Variants in LARGE1 observed in about 807,000 individuals in gnomAD.
LARGE1 encodes xylosyl- and glucuronyltransferase LARGE1.
In LARGE1, 43 loss-of-function variants were observed where a neutral mutation model predicts 87.6. That is an observed-to-expected ratio of 0.49 (90% CI 0.38 to 0.63). The LOEUF is 0.63. Ranked by LOEUF, LARGE1 falls within the 30% of genes least tolerant of loss-of-function variation. The pLI is 0.00. For synonymous variants in LARGE1, 434 were observed against 394.6 expected (o/e 1.10, Z -1.18); for missense variants, 802 against 1,000.2 (o/e 0.80, Z 2.67).
intron 5 of LARGE1, among the ~76,000 whole-genome samples, chr22:33,603,089 TG>T (rs10718167): frequency 1 from 152,322 of 152,330 alleles, 76,157 homozygotes; most frequent in Middle Eastern, 1. Context: ...CAGAATAGAT[TG>T]GGAATGGCAC....
chr22:33,070,959 C>A, the LARGE1 span, among the ~76,000 whole-genome samples: 568 of 152,162 alleles, frequency 3.7e-3, 4 homozygotes, highest in African/African-American at 0.013. Flanking sequence ...TGTGATCAGC[C>A]AGAATTTCCA....
chr22:33,755,154 C>G (rs546463062), intron 2 of LARGE1, among the ~76,000 whole-genome samples: 25 of 152,312 alleles, frequency 1.6e-4, no homozygotes, highest in African/African-American at 6.0e-4. Context: ...TGACAACACT[C>G]AAAAACATTC....
intron 2 of LARGE1, among the ~76,000 whole-genome samples, chr22:33,718,098 A>C (rs536504453): frequency 6.6e-6 from 1 of 152,320 alleles, no homozygotes; most frequent in East Asian, 1.9e-4. Context: ...GAAAATTCTG[A>C]ACACTATCTA....
rs377570032 is a variant in LARGE1 at position 33,473,271 on chromosome 22, C to A, written c.788-41006G>T. Reference sequence around the variant, plus strand: ...GCAACCTCCGGCTCCCAGGTTCAAGCCACTCTCCTGCCTCAGCCTCCCAAG... The same window carrying A: ...GCAACCTCCGGCTCCCAGGTTCAAGACACTCTCCTGCCTCAGCCTCCCAAG... On this transcript the variant is annotated intron_variant, in intron 6 of 14. Coordinates refer to ENST00000397394, the MANE Select transcript of LARGE1 (RefSeq NM_133642.5). Among the ~76,000 whole-genome samples, 16 of 152,180 alleles carry A rather than the reference C, an allele frequency of 1.1e-4. No individual in the cohort carries two copies. In the East Asian group the frequency reaches 2.7e-3, roughly 26 times the overall value.
chr22:33,481,255 AT>A lies in LARGE1; in HGVS notation c.788-48991del, dbSNP rs528329919. On this transcript the variant is annotated intron_variant, in intron 6 of 14. Coordinates refer to ENST00000397394, the MANE Select transcript of LARGE1 (RefSeq NM_133642.5). ...CACACACACACACACGTACACACACATTTTTTTTTTTTTAAGCACTGCCAGT... is the reference window on the plus strand; with the variant it reads ...CACACACACACACACGTACACACACATTTTTTTTTTTTAAGCACTGCCAGT... 8.6e-3 allele frequency among the ~76,000 whole-genome samples: 1,232 copies of A among 143,648 alleles called. 2 individuals carry two copies. Among genetic ancestry groups the A allele is most frequent in the African/African-American group, 0.012 (461 of 39,122 alleles). 94.2% of individuals were successfully genotyped at this position (143,648 alleles called of 152,430 possible).
chr22:33,901,424 T>C (rs990203004), intron 1 of LARGE1, among the ~76,000 whole-genome samples: 2 of 152,340 alleles, frequency 1.3e-5, no homozygotes, highest in East Asian at 1.9e-4. Flanking sequence ...AATATTAGCA[T>C]GGAAATAACA....
chr22:33,835,741 G>A (rs2146366555), intron 1 of LARGE1, among the ~76,000 whole-genome samples: 1 of 152,312 alleles, frequency 6.6e-6, no homozygotes, highest in Non-Finnish European at 1.5e-5. Context: ...TAAAATAGGG[G>A]AAATTGAGGC....
the LARGE1 span, among the ~76,000 whole-genome samples, chr22:33,136,507 CA>C: frequency 1.3e-5 from 2 of 152,268 alleles, no homozygotes; most frequent in East Asian, 3.9e-4. Context: ...AGCTACAATT[CA>C]AGATGAGATT....
chr22:33,269,802 G>A (rs1201894680), downstream of LARGE1, among the ~76,000 whole-genome samples: 2 of 152,032 alleles, frequency 1.3e-5, no homozygotes, highest in East Asian at 1.9e-4. Context: ...TCAGGAGATC[G>A]AGACCATCCT....
At chr22:33,668,802 C>T (rs1251908565) in intron 2 of LARGE1, among the ~76,000 whole-genome samples, 1 of 152,180 alleles carries the variant, frequency 6.6e-6, no homozygotes. Flanking sequence ...ATTTCCCATT[C>T]CCTGAACCTG....
At chr22:33,702,372 G>A (rs918627667) in intron 2 of LARGE1, among the ~76,000 whole-genome samples, 1 of 152,148 alleles carries the variant, frequency 6.6e-6, no homozygotes, top group African/African-American at 2.4e-5. Context: ...CCCCAGTAGG[G>A]ACATTATTTA....
At chr22:33,451,284 G>C (rs752300243) in intron 6 of LARGE1, among the ~76,000 whole-genome samples, 1 of 151,844 alleles carries the variant, frequency 6.6e-6, no homozygotes, top group Non-Finnish European at 1.5e-5. Context: ...AACAAGAGAG[G>C]GAACACATTT....
chr22:33,564,000 A>T (rs1373930105), intron 6 of LARGE1, among the ~76,000 whole-genome samples: 1 of 152,216 alleles, frequency 6.6e-6, no homozygotes, highest in East Asian at 1.9e-4. Flanking sequence ...ATTTAAAATC[A>T]TTAAGTAGTA....
At chr22:33,606,000 A>T (rs1297427388) in intron 4 of LARGE1, among the ~76,000 whole-genome samples, 1 of 152,208 alleles carries the variant, frequency 6.6e-6, no homozygotes, top group Non-Finnish European at 1.5e-5. Flanking sequence ...GGAGAGCAAC[A>T]GACAAAGGCT....
At position 33,465,137 on chromosome 22, in the gene LARGE1, A is replaced by G. The variant is rs528163319; in HGVS notation, c.788-32872T>C. Among the ~76,000 whole-genome samples the G allele has an allele frequency of 6.8e-4, 104 of 152,386 alleles. 1 individual carries two copies. Among genetic ancestry groups the G allele is most frequent in the African/African-American group, 2.3e-3 (94 of 41,596 alleles). The stretch of plus-strand genomic sequence containing the variant: ...ATGCATCAGTGAAATGAATGAACTC[A>G]GTTTACATGGCGCGACATTGATGCA... On this transcript the variant is annotated intron_variant, in intron 6 of 14. Coordinates refer to ENST00000397394, the MANE Select transcript of LARGE1 (RefSeq NM_133642.5).
chr22:33,299,543 CAGA>C (rs1933860969), intron 12 of LARGE1, among the ~76,000 whole-genome samples: 2 of 152,066 alleles, frequency 1.3e-5, no homozygotes, highest in Admixed American at 6.6e-5. Flanking sequence ...CCAGGCTGCA[CAGA>C]AGGTGGCAGA....
chr22:33,280,196 CTT>C (rs1930151598), intron 13 of LARGE1, among the ~76,000 whole-genome samples: 1 of 151,218 alleles, frequency 6.6e-6, no homozygotes, highest in South Asian at 2.1e-4. Flanking sequence ...TACTTGGCAC[CTT>C]TGTTTCCTTC....
intron 9 of LARGE1, among the ~76,000 whole-genome samples, chr22:33,357,866 T>C (rs1296063372): frequency 2.0e-5 from 3 of 152,236 alleles, no homozygotes; most frequent in African/African-American, 7.2e-5. Flanking sequence ...TACTGCTTTA[T>C]GTATTGTCCC....
intron 6 of LARGE1, among the ~76,000 whole-genome samples, chr22:33,492,313 T>A (rs1490124515): frequency 1.3e-5 from 2 of 152,204 alleles, no homozygotes; most frequent in Non-Finnish European, 2.9e-5. Flanking sequence ...CCCATCTTGA[T>A]TCTCTGACGT....
Sources: allele counts gnomAD v4.1 joint callset (sites outside exome capture counted in the v4.1 genomes callset), GRCh38; gene constraint gnomAD v4.1.1; transcripts MANE v1.5; gene names NCBI Gene and HGNC (gene_info 2026-07-23, HGNC 2026-07-21).